The following TNR variants were observed in gnomAD, a reference collection of about 807,000 sequenced individuals.
TNR encodes the protein tenascin R.
In TNR, 45 loss-of-function variants were observed where a neutral mutation model predicts 150.4. The observed-to-expected ratio is 0.30, with a 90% confidence interval of 0.24 to 0.38. The LOEUF (loss-of-function observed/expected upper bound fraction) is 0.38. Ranked by LOEUF, TNR falls within the 10% of genes least tolerant of loss-of-function variation. The probability of loss-of-function intolerance (pLI) is 1.00; values close to 1 mark genes in which losing one functional copy is unlikely to be tolerated. For missense variants in TNR, 1,544 were observed against 1,759.1 expected (o/e 0.88, Z 2.19); for synonymous variants, 687 against 678.4 (o/e 1.01, Z -0.20).
intron 1 of TNR, among the ~76,000 whole-genome samples, chr1:175,675,251 C>T (rs1179832551): frequency 2.6e-5 from 4 of 152,176 alleles, no homozygotes; most frequent in Non-Finnish European, 5.9e-5. Flanking sequence ...CTTTGTGGAT[C>T]CTCTAAAGCT....
intron 6 of TNR, among the ~76,000 whole-genome samples, 159 bp downstream of exon 6, chr1:175,393,621 A>G (rs1653283107): frequency 1.3e-5 from 2 of 152,164 alleles, no homozygotes; most frequent in Non-Finnish European, 2.9e-5. Context: ...TTTGTCACAG[A>G]AATGTTCTAT....
intron 7 of TNR, among the ~76,000 whole-genome samples, chr1:175,387,960 C>A (rs966255068): frequency 1.5e-4 from 23 of 152,176 alleles, no homozygotes; most frequent in African/African-American, 5.6e-4. Context: ...TTGGGTGCCA[C>A]CTGGTTTGGA....
At chr1:175,657,111 G>A (rs971776462) in intron 1 of TNR, among the ~76,000 whole-genome samples, 13 of 152,136 alleles carry the variant, frequency 8.5e-5, no homozygotes, top group African/African-American at 2.9e-4. Flanking sequence ...TAGGGCTGGT[G>A]GTTCTCAGAA....
At chr1:175,457,832 G>A (rs767866660) in intron 2 of TNR, among the ~76,000 whole-genome samples, 12 of 152,062 alleles carry the variant, frequency 7.9e-5, no homozygotes, top group Non-Finnish European at 1.6e-4. Context: ...ATCCTCCTTC[G>A]TACAGTTAAG....
At position 175,317,647 on chromosome 1, in the gene TNR, C is replaced by T. The variant is rs958842575; in HGVS notation, c.*5710G>A. 1 of 152,298 alleles carries T rather than the reference C, an allele frequency of 6.6e-6. No individual in the cohort carries two copies. The allele number at this position is 152,298 out of a possible 1,614,324, so 9.4% of individuals were successfully genotyped here. A position where few individuals can be genotyped will look rare whatever the true frequency, so the allele number is the denominator to read the frequency against. On this transcript the variant is annotated 3_prime_UTR_variant, in exon 23 of 23. Transcript: ENST00000367674. ...CTTCTCAGGGAAGATGTTTGCACCA[C>T]CTGACCTGAATCCATGGTGCCAGTG... is the stretch of plus-strand genomic sequence containing the variant.
chr1:175,385,655 A>AGC (rs546174758), intron 8 of TNR, among the ~76,000 whole-genome samples: 2 of 152,332 alleles, frequency 1.3e-5, no homozygotes, highest in African/African-American at 4.8e-5. Context: ...ATGTGTCTTG[A>AGC]GAAAGAGACA....
rs114389800 is a variant in TNR, at chr1:175,506,379, A to C, written c.-64+21890T>G. On this transcript the variant is annotated intron_variant, in intron 2 of 22. Coordinates refer to ENST00000367674, the MANE Select transcript of TNR (RefSeq NM_003285.3). The stretch of plus-strand genomic sequence containing the variant: ...ATTCTAAACACTTATGTTAGCTCAG[A>C]AACTAAATCGTGTCCCCCCAGATTC... Among the ~76,000 whole-genome samples, 793 of 152,366 alleles carry C rather than the reference A, an allele frequency of 5.2e-3. 7 individuals carry two copies. Among genetic ancestry groups the C allele is most frequent in the African/African-American group, 0.018 (746 of 41,576 alleles).
At chr1:175,619,524 C>G (rs57774315) in intron 1 of TNR, among the ~76,000 whole-genome samples, 2,112 of 152,290 alleles carry the variant, frequency 0.014, 49 homozygotes, top group African/African-American at 0.048. Flanking sequence ...AAGTGCCAAC[C>G]TGGCTGGGGA....
intron 1 of TNR, among the ~76,000 whole-genome samples, chr1:175,676,502 C>T (rs1465042059): frequency 6.6e-6 from 1 of 152,036 alleles, no homozygotes; most frequent in Non-Finnish European, 1.5e-5. Context: ...GCTGTGTGTG[C>T]AGAGTTGGGA....
At chr1:175,523,795 T>G (rs1427333997) in intron 2 of TNR, among the ~76,000 whole-genome samples, 1 of 152,206 alleles carries the variant, frequency 6.6e-6, no homozygotes, top group African/African-American at 2.4e-5. Flanking sequence ...CTTTAAACCC[T>G]CTATTGTTCC....
chr1:175,388,940 T>C (rs1403944468), intron 7 of TNR, among the ~76,000 whole-genome samples: 4 of 152,258 alleles, frequency 2.6e-5, no homozygotes, highest in Admixed American at 2.0e-4. Context: ...CCATGTTCTG[T>C]CAATATTCTA....
At chr1:175,557,340 T>C (rs1334890022) in intron 1 of TNR, among the ~76,000 whole-genome samples, 2 of 152,198 alleles carry the variant, frequency 1.3e-5, no homozygotes, top group Non-Finnish European at 2.9e-5. Flanking sequence ...AAGTTTGTGA[T>C]AATATTACTC....
At chr1:175,568,555 T>G (rs1661736121) in intron 1 of TNR, among the ~76,000 whole-genome samples, 1 of 152,192 alleles carries the variant, frequency 6.6e-6, no homozygotes, top group African/African-American at 2.4e-5. Flanking sequence ...CACTATGTGC[T>G]CTCCCTTTGC....
intron 19 of TNR, 126 bp downstream of exon 19, chr1:175,337,402 A>T: frequency 2.7e-6 from 3 of 1,130,040 alleles, no homozygotes; most frequent in Admixed American, 3.9e-5. Context: ...GAGCCCCAAG[A>T]TGGACATGTG....
intron 1 of TNR, among the ~76,000 whole-genome samples, chr1:175,620,706 C>G (rs1436873744): frequency 7.9e-5 from 12 of 152,180 alleles, no homozygotes; most frequent in Non-Finnish European, 1.2e-4. Context: ...ACCAGTCATG[C>G]TGTGCACTGG....
At chr1:175,415,731 C>T (rs1209631798) in intron 2 of TNR, among the ~76,000 whole-genome samples, 3 of 152,170 alleles carry the variant, frequency 2.0e-5, no homozygotes, top group Non-Finnish European at 4.4e-5. Context: ...CCTGGGAGAA[C>T]TCTAATTGAC....
intron 1 of TNR, among the ~76,000 whole-genome samples, chr1:175,671,102 C>T (rs1665683813): frequency 6.6e-6 from 1 of 152,146 alleles, no homozygotes; most frequent in Non-Finnish European, 1.5e-5. Context: ...TGAGTGGGTA[C>T]TGAACACCCG....
chr1:175,593,280 A>C (rs1662873836), intron 1 of TNR, among the ~76,000 whole-genome samples: 2 of 152,196 alleles, frequency 1.3e-5, no homozygotes, highest in African/African-American at 4.8e-5. Flanking sequence ...AGCTCAAGCC[A>C]GTCCTACACC....
chr1:175,661,630 C>T (rs1468106265), intron 1 of TNR, among the ~76,000 whole-genome samples: 1 of 152,122 alleles, frequency 6.6e-6, no homozygotes, highest in East Asian at 1.9e-4. Context: ...AAGGATTGTT[C>T]TGCAAATCCC....
Sources: allele counts gnomAD v4.1 joint callset (sites outside exome capture counted in the v4.1 genomes callset), GRCh38; gene constraint gnomAD v4.1.1; transcripts MANE v1.5; gene names NCBI Gene and HGNC (gene_info 2026-07-23, HGNC 2026-07-21).